Variants in ARHGEF40 observed in about 807,000 individuals in gnomAD.
ARHGEF40 encodes Rho guanine nucleotide exchange factor (GEF) 40.
A neutral mutation model predicts 165.9 loss-of-function variants in ARHGEF40; 98 were observed. That is an observed-to-expected ratio of 0.59 (90% CI 0.50 to 0.70). The LOEUF is 0.70. Among genes scored for constraint, ARHGEF40 ranks in the 30% least tolerant of loss-of-function variants. ARHGEF40 has a pLI of 0.00. For missense variants in ARHGEF40, 1,815 were observed against 1,968.0 expected (o/e 0.92, Z 1.47); for synonymous variants, 792 against 814.3 (o/e 0.97, Z 0.47).
chr14:21,083,020 A>T (rs1231203517), intron 16 of ARHGEF40, 103 bp downstream of exon 16: 5 of 963,824 alleles, frequency 5.2e-6, no homozygotes, highest in Non-Finnish European at 8.0e-6. Context: ...ATGCCCAGGA[A>T]CATCACCTAC....
chr14:21,085,799 A>G lies in ARHGEF40; in HGVS notation c.4071A>G (p.Pro1357=). ...REAYTLQATS[P]EIKLKWTSSI... Reference sequence around the variant, plus strand: ...CATACACTCTGCAGGCAACCTCACCAGAGATCAAACTCAAGTGGACAAGTT... The same window carrying G: ...CATACACTCTGCAGGCAACCTCACCGGAGATCAAACTCAAGTGGACAAGTT... Residue 1357 remains proline, a synonymous_variant, in exon 19 of 24, where the codon CCA becomes CCG. Coordinates refer to ENST00000298694, the MANE Select transcript of ARHGEF40 (RefSeq NM_018071.5). 2 of 1,614,182 alleles carry G rather than the reference A, an allele frequency of 1.2e-6. No individual in the cohort carries two copies. Among genetic ancestry groups the G allele is most frequent in the Non-Finnish European group, 1.7e-6 (2 of 1,180,024 alleles).
In ARHGEF40 at chr14:21,080,050, A is replaced by G. The variant is rs540016817; in HGVS notation, c.2374-610A>G. ...GTGGTTATTGTTGGCACTGGCTATT[A>G]GGAACAGTCTCAGACTTCTCATCCT... is the stretch of plus-strand genomic sequence containing the variant. On this transcript the variant is annotated intron_variant, in intron 11 of 23. Transcript: ENST00000298694. Among the ~76,000 whole-genome samples, 7 of 152,302 alleles carry G rather than the reference A, an allele frequency of 4.6e-5. No homozygotes were observed. In the South Asian group the frequency reaches 1.5e-3, roughly 32 times the overall value.
rs777289034 is a variant in ARHGEF40 at position 21,087,431 on chromosome 14, C to A, written c.4355C>A (p.Ala1452Asp). Residue 1452 changes from alanine (A) to aspartate (D), a missense_variant, in exon 21 of 24, where the codon GCC (alanine) becomes GAC (aspartate). By Grantham distance (126) the Ala-to-Asp change is moderately radical. Transcript: ENST00000298694. ...CSLPARVEEE[A>D]WDLDVKQISL... ...CTGCCTGCCCGCGTCGAGGAGGAGG[C>A]CTGGGATCTGGACGTCAAGCAAATT... The A allele has an allele frequency of 1.2e-6, 2 of 1,601,104 alleles. No homozygotes were observed. The highest frequency in any genetic ancestry group is 2.2e-5 in the East Asian group (1 of 44,874).
At chr14:21,087,758 A>C (rs182890854) in intron 21 of ARHGEF40, 44 of 733,150 alleles carry the variant, frequency 6.0e-5, no homozygotes, top group Admixed American at 3.6e-4. Context: ...CAATCCTTAT[A>C]GTTTCCTGTC....
At chr14:21,080,452 C>T (rs1233329234) in intron 11 of ARHGEF40, among the ~76,000 whole-genome samples, 1 of 152,238 alleles carries the variant, frequency 6.6e-6, no homozygotes, top group Non-Finnish European at 1.5e-5. Flanking sequence ...TCCCTCTCAT[C>T]TGCCTTACCA....
chr14:21,076,673 C>G (rs201637874), intron 7 of ARHGEF40, 30 bp downstream of exon 7: 33 of 1,580,184 alleles, frequency 2.1e-5, no homozygotes, highest in Non-Finnish European at 2.8e-5. Context: ...ATCTAGTTTC[C>G]CATCAGTAGT....
intron 21 of ARHGEF40, 200 bp downstream of exon 21, chr14:21,087,663 T>C (rs1888465942): frequency 2.6e-6 from 2 of 765,728 alleles, no homozygotes; most frequent in Admixed American, 2.9e-5. Context: ...AAGAAGCACT[T>C]CCTCTGTACC....
chr14:21,066,125 C>A (rs1886249942), upstream of ARHGEF40, among the ~76,000 whole-genome samples: 1 of 151,968 alleles, frequency 6.6e-6, no homozygotes. Context: ...ACAACAAAAA[C>A]CTGAAAAGCT....
At chr14:21,079,545 TTCTCTCCTGGGGTTAAGA>T (rs1007929302) in intron 11 of ARHGEF40, among the ~76,000 whole-genome samples, 15 of 152,168 alleles carry the variant, frequency 9.9e-5, no homozygotes, top group African/African-American at 3.6e-4. Context: ...ACCTTGATTC[TTCTCTCCTGGGGTTAAGA>T]GCCCCATAGG....
In ARHGEF40 at chr14:21,082,048, G is replaced by T; in HGVS notation, c.3180G>T (p.Leu1060=). ...GCTCACCACGGGAACACGTGCTGCT[G>T]GGCCGGGCTAGGGGGCCAGACGGAC... ...RTCSPREHVL[L]GRARGPDGPW... is the part of the protein sequence containing the mutation. Residue 1060 remains leucine, a synonymous_variant, in exon 14 of 24, where the codon CTG becomes CTT. Transcript: ENST00000298694. 3.2e-6 allele frequency: 5 copies of T among 1,561,734 alleles called. No homozygotes were observed. The highest frequency in any genetic ancestry group is 3.5e-6 in the Non-Finnish European group (4 of 1,152,732).
chr14:21,074,274 A>C lies in ARHGEF40; in HGVS notation c.544A>C (p.Ile182Leu), dbSNP rs1351624968. 8 of 1,614,006 alleles carry C rather than the reference A, an allele frequency of 5.0e-6. No homozygotes were observed. Among genetic ancestry groups the C allele is most frequent in the Non-Finnish European group, 6.8e-6 (8 of 1,180,020 alleles). The change falls in exon 3 of 24, where the codon ATC (isoleucine) becomes CTC (leucine). Residue 182 changes from isoleucine to leucine, a missense_variant. Coordinates refer to ENST00000298694, the MANE Select transcript of ARHGEF40 (RefSeq NM_018071.5). This position sits in a 1 kb window ranked among gnomAD's most constrained non-coding sequence, Gnocchi z 4.8. ...TCAGCGGCTGCCCTGGGCTGAGCTC[A>C]TCTGTCCACGATTTGTGCACAAAGA... ...GIQRLPWAELICPRFVHKEGL... is the reference protein window; with the variant it reads ...GIQRLPWAELLCPRFVHKEGL...
chr14:21,073,243 G>A lies in ARHGEF40; in HGVS notation c.201+1G>A. The A allele has an allele frequency of 6.3e-7, 1 of 1,598,752 alleles. No individual in the cohort carries two copies. The highest frequency in any genetic ancestry group is 8.5e-7 in the Non-Finnish European group (1 of 1,173,046). The stretch of plus-strand genomic sequence containing the variant: ...TGCCAAGGTCCAGCAGGAAGCCTGT[G>A]TGAGTGGCCGTGCATCACTATTCTG... On this transcript the variant is annotated splice_donor_variant, in intron 2 of 23. Coordinates refer to ENST00000298694, the MANE Select transcript of ARHGEF40 (RefSeq NM_018071.5). LOFTEE classifies it high-confidence loss of function. The surrounding 1 kb of genome is among the most constrained non-coding windows in gnomAD (Gnocchi z 4.6).
In ARHGEF40 at chr14:21,078,330, C is replaced by T. The variant is rs369131292; in HGVS notation, c.2131-43C>T. 2.8e-5 allele frequency: 45 copies of T among 1,598,004 alleles called. No homozygotes were observed. In the African/African-American group the frequency reaches 5.0e-4, roughly 18 times the overall value. On this transcript the variant is annotated intron_variant, in intron 9 of 23. Coordinates refer to ENST00000298694, the MANE Select transcript of ARHGEF40 (RefSeq NM_018071.5). The stretch of plus-strand genomic sequence containing the variant: ...GATTGGGATGGGGCTGGGGTGGAGA[C>T]TCTCTGGTGGAACCCCAACTGGCAA...
chr14:21,088,957 T>G, intron 23 of ARHGEF40, 57 bp from the exon 24 acceptor site: 1 of 1,436,708 alleles, frequency 7.0e-7, no homozygotes, highest in Non-Finnish European at 9.7e-7. Flanking sequence ...CCCGGCTACT[T>G]GGGAGTCAGC....
In ARHGEF40 at chr14:21,083,911, T is replaced by C; in HGVS notation, c.3650T>C (p.Leu1217Pro). 6.2e-7 allele frequency: 1 copy of C among 1,614,066 alleles called. No homozygotes were observed. The highest frequency in any genetic ancestry group is 8.5e-7 in the Non-Finnish European group (1 of 1,180,032). Residue 1217 changes from leucine to proline, a missense_variant, in exon 17 of 24, where the codon CTC becomes CCC. Transcript: ENST00000298694. ...GAACAGCTGACTCGGTATGGGCGGC[T>C]CCTGGAGGAGCTCCTGAGGGAAGCT... The part of the protein sequence containing the change: ...PLEQLTRYGR[L>P]LEELLREAGP...
rs7140850 is a variant in ARHGEF40, at chr14:21,075,897, C to T, written c.1739+132C>T. The stretch of plus-strand genomic sequence containing the variant: ...ACTTCTTCAACCTTCAGACTTCAAG[C>T]CATTGACCTTTGGCCTTACTTACCC... On this transcript the variant is annotated intron_variant, in intron 5 of 23. Transcript: ENST00000298694. This position sits in a 1 kb window ranked among gnomAD's most constrained non-coding sequence, Gnocchi z 4.5. The T allele has an allele frequency of 0.53, 631,381 of 1,188,488 alleles. 169,157 individuals carry two copies. Among genetic ancestry groups the T allele is most frequent in the Non-Finnish European group, 0.54 (470,266 of 865,318 alleles). The allele number at this position is 1,188,488 out of a possible 1,614,324, so 73.6% of individuals were successfully genotyped here. A position where few individuals can be genotyped will look rare whatever the true frequency, so the allele number is the denominator to read the frequency against.
In ARHGEF40 at chr14:21,076,433, A is replaced by G; in HGVS notation, c.1813A>G (p.Ile605Val). The G allele has an allele frequency of 6.2e-7, 1 of 1,613,848 alleles. No homozygotes were observed. The highest frequency in any genetic ancestry group is 1.1e-5 in the South Asian group (1 of 91,082). Residue 605 changes from isoleucine (I) to valine (V), a missense_variant, in exon 6 of 24, where the codon ATT becomes GTT. Physicochemically the swap from Ile to Val is conservative, Grantham distance 29 (BLOSUM62 3). Transcript: ENST00000298694. ...RQAPPLPPAL[I>V]PALSQLQDSG... ...GGCACCTCCACTGCCTCCAGCACTC[A>G]TTCCTGCCTTGAGCCAACTTCAGGT...
At position 21,082,075 on chromosome 14, in the gene ARHGEF40, C is replaced by T. The variant is rs1443873609; in HGVS notation, c.3207C>T (p.Pro1069=). 2 of 1,560,430 alleles carry T rather than the reference C, an allele frequency of 1.3e-6. No homozygotes were observed. The highest frequency in any genetic ancestry group is 1.7e-6 in the Non-Finnish European group (2 of 1,152,208). ...LLGRARGPDG[P]WGVGTPRMER... ...GCCGGGCTAGGGGGCCAGACGGACC[C>T]TGGGGAGTAGGCACCCCCCGGATGG... is the stretch of plus-strand genomic sequence containing the variant. The change falls in exon 14 of 24, where the codon CCC becomes CCT. Residue 1069 remains proline (P), a synonymous_variant. Coordinates refer to ENST00000298694, the MANE Select transcript of ARHGEF40 (RefSeq NM_018071.5).
chr14:21,084,806 C>A lies in ARHGEF40; in HGVS notation c.3843C>A (p.Ile1281=), dbSNP rs745334184. 1 of 1,614,222 alleles carries A rather than the reference C, an allele frequency of 6.2e-7. No homozygotes were observed. The highest frequency in any genetic ancestry group is 8.5e-7 in the Non-Finnish European group (1 of 1,180,034). ...QLLHRDPFTV[I]CGRKKCLRHV... ...TGCATCGAGACCCCTTCACTGTCAT[C>A]TGTGGCCGAAAGAAGTGCCTTCGCC... The change falls in exon 18 of 24, where the codon ATC becomes ATA. Residue 1281 remains isoleucine (I), a synonymous_variant. Coordinates refer to ENST00000298694, the MANE Select transcript of ARHGEF40 (RefSeq NM_018071.5).
Sources: allele counts gnomAD v4.1 joint callset (sites outside exome capture counted in the v4.1 genomes callset), GRCh38; gene constraint gnomAD v4.1.1; non-coding constraint Gnocchi (gnomAD v3.1); transcripts MANE v1.5; gene names NCBI Gene and HGNC (gene_info 2026-07-23, HGNC 2026-07-21).